Variants in AMMECR1 observed in about 807,000 individuals in gnomAD.
AMMECR1 encodes the protein AMMECR nuclear protein 1.
Under a neutral mutation model 22.5 loss-of-function variants are expected in AMMECR1, and 3 were observed. That is an observed-to-expected ratio of 0.13 (90% confidence interval 0.06 to 0.35). The LOEUF (loss-of-function observed/expected upper bound fraction) is 0.35, where lower values mean the gene tolerates loss of function less well. Among genes scored for constraint, AMMECR1 ranks in the 10% least tolerant of loss-of-function variants. AMMECR1 has a pLI of 1.00. For synonymous variants in AMMECR1, 130 were observed against 116.7 expected (o/e 1.11, Z -0.74); for missense variants, 235 against 278.7 (o/e 0.84, Z 1.12).
At chrX:110,360,810 C>T (rs754176235) in intron 2 of AMMECR1, among the ~76,000 whole-genome samples, 1 of 110,809 alleles carries the variant, frequency 9.0e-6, no homozygotes, top group East Asian at 2.9e-4. Context: ...ACAATGGTAG[C>T]AGTGGGAATG....
chrX:110,233,285 G>T (rs2067580104), intron 2 of AMMECR1, among the ~76,000 whole-genome samples: 2 of 111,926 alleles, frequency 1.8e-5, no homozygotes, highest in African/African-American at 6.5e-5. Flanking sequence ...AAACCAGGAA[G>T]AATTTGAATG....
rs548210083 is a variant in AMMECR1 at position 110,194,924 on chromosome X, G to A, written c.*3596C>T. Reference sequence around the variant, plus strand: ...ACCAGTTTATTTAAATGGAGGAGGTGCTCACACCCCTCAAATAAACTTAAT... The same window carrying A: ...ACCAGTTTATTTAAATGGAGGAGGTACTCACACCCCTCAAATAAACTTAAT... On this transcript the variant is annotated 3_prime_UTR_variant, in exon 6 of 6. Transcript: ENST00000262844. 21 of 112,052 alleles carry A rather than the reference G, an allele frequency of 1.9e-4. No individual in the cohort carries two copies. The South Asian group carries it at 7.8e-3, about 42-fold the overall frequency. 9.2% of individuals were successfully genotyped at this position (112,052 alleles called of 1,213,427 possible).
At chrX:110,314,285 G>C (rs974718818) in intron 1 of AMMECR1, among the ~76,000 whole-genome samples, 33 of 111,557 alleles carry the variant, frequency 3.0e-4, no homozygotes, top group African/African-American at 1.0e-3. Context: ...CAAATCGGTT[G>C]TTTACTGAAA....
intron 2 of AMMECR1, among the ~76,000 whole-genome samples, chrX:110,340,203 G>T (rs1325025365): frequency 9.0e-6 from 1 of 111,072 alleles, no homozygotes; most frequent in Non-Finnish European, 1.9e-5. Flanking sequence ...TCACCTCCTA[G>T]GATTAAATGA....
intron 1 of AMMECR1, among the ~76,000 whole-genome samples, chrX:110,281,806 T>C (rs1426126715): frequency 8.9e-6 from 1 of 112,080 alleles, no homozygotes; most frequent in East Asian, 2.8e-4. Flanking sequence ...GGGCGAAAAT[T>C]TAAAAGTGCT....
intron 2 of AMMECR1, among the ~76,000 whole-genome samples, chrX:110,357,072 A>G (rs1162863247): frequency 8.9e-6 from 1 of 111,794 alleles, no homozygotes; most frequent in Non-Finnish European, 1.9e-5. Context: ...GAATTTTGCA[A>G]ATAGAAAAAT....
rs886425943 is a variant in AMMECR1 at position 110,233,439 on chromosome X, G to T, written c.585-16807C>A. Among the ~76,000 whole-genome samples, 7 of 111,980 alleles carry T rather than the reference G, an allele frequency of 6.3e-5. No homozygotes were observed. The East Asian group carries it at 1.9e-3, about 31-fold the overall frequency. ...CTGGTACCAATCCTTCTGAAACTAT[G>T]CCAATCAATAGAAAAAGAGGGAATC... On this transcript the variant is annotated intron_variant, in intron 2 of 5. Coordinates refer to ENST00000262844, the MANE Select transcript of AMMECR1 (RefSeq NM_015365.3).
At chrX:110,374,486 A>G (rs2068362037) in intron 2 of AMMECR1, among the ~76,000 whole-genome samples, 1 of 111,921 alleles carries the variant, frequency 8.9e-6, no homozygotes, top group South Asian at 3.7e-4. Flanking sequence ...CTGCATCACC[A>G]CTATTGATTT....
chrX:110,200,869 T>A, intron 5 of AMMECR1, 85 bp downstream of exon 5: 1 of 656,881 alleles, frequency 1.5e-6, no homozygotes, highest in Non-Finnish European at 2.4e-6. Flanking sequence ...GAAGTGTAGT[T>A]AGAGAGACCA....
At chrX:110,293,918 T>C (rs1315467197) in intron 1 of AMMECR1, among the ~76,000 whole-genome samples, 1 of 111,596 alleles carries the variant, frequency 9.0e-6, no homozygotes, top group Non-Finnish European at 1.9e-5. Context: ...CTTACTTATT[T>C]GTATTACAGT....
intron 2 of AMMECR1, among the ~76,000 whole-genome samples, chrX:110,343,155 G>A (rs2068172073): frequency 1.8e-5 from 2 of 111,891 alleles, no homozygotes; most frequent in Non-Finnish European, 3.8e-5. Context: ...TGATCAAGTG[G>A]GCTTCATCCC....
chrX:110,407,561 G>A (rs1017932222), intron 2 of AMMECR1, among the ~76,000 whole-genome samples: 4 of 112,329 alleles, frequency 3.6e-5, no homozygotes, highest in Non-Finnish European at 5.6e-5. Context: ...TTTTCCAGGT[G>A]AGCAAACTGC....
chrX:110,281,026 A>G (rs770412079), intron 1 of AMMECR1, among the ~76,000 whole-genome samples: 1 of 112,375 alleles, frequency 8.9e-6, no homozygotes, highest in South Asian at 3.7e-4. Flanking sequence ...GCTTTCCAGA[A>G]AGAAAGTGCC....
At chrX:110,372,873 A>G (rs776112883) in intron 2 of AMMECR1, among the ~76,000 whole-genome samples, 1 of 111,931 alleles carries the variant, frequency 8.9e-6, no homozygotes, top group South Asian at 3.7e-4. Context: ...TGAGATTATA[A>G]GTCCTCTGTA....
intron 1 of AMMECR1, among the ~76,000 whole-genome samples, chrX:110,275,557 ATGGT>A (rs1224280705): frequency 4.0e-4 from 45 of 111,323 alleles, no homozygotes; most frequent in African/African-American, 1.5e-3. Flanking sequence ...TAGGCCAGGC[ATGGT>A]GGCTCACGCC....
chrX:110,194,187 C>T lies in AMMECR1; in HGVS notation c.*4333G>A, dbSNP rs1445247508. On this transcript the variant is annotated 3_prime_UTR_variant, in exon 6 of 6. Coordinates refer to ENST00000262844, the MANE Select transcript of AMMECR1 (RefSeq NM_015365.3). ...AAAAAAGAAACATAAAATGATAACT[C>T]GGTTTTAACATTTTATTGGGTAAAT... is the stretch of plus-strand genomic sequence containing the variant. The T allele has an allele frequency of 8.9e-6, 1 of 111,997 alleles. No homozygotes were observed. Among genetic ancestry groups the T allele is most frequent in the Non-Finnish European group, 1.9e-5 (1 of 53,175 alleles). The allele number at this position is 111,997 out of a possible 1,213,427, so 9.2% of individuals were successfully genotyped here. A position where few individuals can be genotyped will look rare whatever the true frequency, so the allele number is the denominator to read the frequency against.
intron 1 of AMMECR1, among the ~76,000 whole-genome samples, chrX:110,290,897 T>C (rs1172277358): frequency 9.0e-6 from 1 of 111,657 alleles, no homozygotes; most frequent in African/African-American, 3.3e-5. Context: ...CCATTATGAG[T>C]TGGTTGACTT....
At chrX:110,267,093 G>A (rs1290431467) in intron 1 of AMMECR1, among the ~76,000 whole-genome samples, 2 of 111,735 alleles carry the variant, frequency 1.8e-5, no homozygotes, top group African/African-American at 6.5e-5. Context: ...TATCATTGAT[G>A]GACATTTGGG....
chrX:110,409,478 C>G (rs1881587134), intron 2 of AMMECR1, among the ~76,000 whole-genome samples: 1 of 111,583 alleles, frequency 9.0e-6, no homozygotes, highest in Non-Finnish European at 1.9e-5. Flanking sequence ...TTAGCTGTAC[C>G]TCTTTGCATT....
Sources: allele counts gnomAD v4.1 joint callset (sites outside exome capture counted in the v4.1 genomes callset), GRCh38; gene constraint gnomAD v4.1.1; transcripts MANE v1.5; gene names NCBI Gene and HGNC (gene_info 2026-07-23, HGNC 2026-07-21).